PCDH19: variants seen among roughly 807,000 people sequenced by gnomAD.
PCDH19 encodes protocadherin 19.
A neutral mutation model predicts 46.2 loss-of-function variants in PCDH19; 6 were observed. That is an observed-to-expected ratio of 0.13 (90% CI 0.07 to 0.26). The LOEUF (loss-of-function observed/expected upper bound fraction) is 0.26. Among genes scored for constraint, PCDH19 ranks in the 10% least tolerant of loss-of-function variants. PCDH19 has a pLI of 1.00. For missense variants in PCDH19, 740 were observed against 972.3 expected, an observed-to-expected ratio of 0.76 and a Z score of 3.18; for synonymous variants, 481 against 415.7, an observed-to-expected ratio of 1.16 and a Z score of -1.91.
chrX:100,333,112 GGGAAGGAAGGAAGGAAGGAAGGAAGGAA>G (rs778212504), intron 5 of PCDH19, among the ~76,000 whole-genome samples: 3 of 34,916 alleles, frequency 8.6e-5, no homozygotes, highest in African/African-American at 2.9e-4. Flanking sequence ...GAAGGAGGGA[GGGAAGGAAGGAAGGAAGGAAGGAAGGAA>G]GGAAGGAAGG....
At chrX:100,399,565 T>C (rs1928118965) in intron 3 of PCDH19, among the ~76,000 whole-genome samples, 1 of 111,819 alleles carries the variant, frequency 8.9e-6, no homozygotes, top group South Asian at 3.8e-4. Flanking sequence ...TGGACCTAAG[T>C]ATTCCACCGA....
chrX:100,390,250 A>T (rs1927825106), intron 3 of PCDH19, among the ~76,000 whole-genome samples: 1 of 111,653 alleles, frequency 9.0e-6, no homozygotes, highest in Non-Finnish European at 1.9e-5. Context: ...GATATTTTCA[A>T]GCCAAAATAT....
chrX:100,320,946 TCCC>T (rs1925458007), intron 5 of PCDH19, among the ~76,000 whole-genome samples: 1 of 102,315 alleles, frequency 9.8e-6, no homozygotes, highest in African/African-American at 3.6e-5. Context: ...CTTCCACCCA[TCCC>T]CCCAAGTCCC....
chrX:100,305,803 A>G (rs970124277), intron 5 of PCDH19, among the ~76,000 whole-genome samples: 2 of 112,301 alleles, frequency 1.8e-5, no homozygotes, highest in South Asian at 7.3e-4. Context: ...AAGCAACAGC[A>G]GTTTAAAAAG....
intron 3 of PCDH19, among the ~76,000 whole-genome samples, chrX:100,353,599 C>A (rs1273761353): frequency 9.0e-6 from 1 of 111,667 alleles, no homozygotes; most frequent in South Asian, 3.8e-4. Context: ...TGAGAAGAGA[C>A]AAGTCTCGAG....
intron 5 of PCDH19, among the ~76,000 whole-genome samples, chrX:100,333,163 AAG>A (rs1569294632): frequency 0.012 from 467 of 40,424 alleles, 7 homozygotes; most frequent in East Asian, 0.05. Flanking sequence ...GGAAGGAAGG[AAG>A]GAAGGAAGGG....
intron 3 of PCDH19, among the ~76,000 whole-genome samples, chrX:100,356,668 T>C (rs1024591504): frequency 1.4e-4 from 16 of 111,163 alleles, no homozygotes; most frequent in Admixed American, 4.8e-4. Flanking sequence ...AAAGTTCATA[T>C]TTGCCCTGAA....
At chrX:100,363,371 A>C (rs966464943) in intron 3 of PCDH19, among the ~76,000 whole-genome samples, 1 of 107,772 alleles carries the variant, frequency 9.3e-6, no homozygotes, top group Non-Finnish European at 1.9e-5. Context: ...TTTTTTTAGG[A>C]CCAAATGTGC....
At chrX:100,311,798 C>G (rs1246389376) in intron 5 of PCDH19, among the ~76,000 whole-genome samples, 3 of 110,503 alleles carry the variant, frequency 2.7e-5, no homozygotes, top group Admixed American at 9.7e-5. Flanking sequence ...ATGGACTATT[C>G]ATTACCAATA....
intron 3 of PCDH19, among the ~76,000 whole-genome samples, chrX:100,382,110 C>T (rs1927570130): frequency 9.0e-6 from 1 of 110,770 alleles, no homozygotes; most frequent in South Asian, 3.9e-4. Context: ...GACACAACCA[C>T]CTACCTATTA....
chrX:100,359,227 T>A (rs1926803513), intron 3 of PCDH19, among the ~76,000 whole-genome samples: 1 of 111,902 alleles, frequency 8.9e-6, no homozygotes. Flanking sequence ...AACAGTAACA[T>A]CAGGGAAGTG....
intron 5 of PCDH19, among the ~76,000 whole-genome samples, chrX:100,326,827 T>C (rs1925708958): frequency 9.0e-6 from 1 of 111,618 alleles, no homozygotes; most frequent in African/African-American, 3.3e-5. Flanking sequence ...ATTACTTTCT[T>C]TGGACACCAA....
intron 4 of PCDH19, among the ~76,000 whole-genome samples, chrX:100,342,866 T>G (rs1034761090): frequency 8.9e-6 from 1 of 112,102 alleles, no homozygotes; most frequent in Admixed American, 9.5e-5. Flanking sequence ...GAAGGTGTGA[T>G]GTTTAATTTT....
chrX:100,384,186 G>A (rs1026864320), intron 3 of PCDH19, among the ~76,000 whole-genome samples: 2 of 111,514 alleles, frequency 1.8e-5, no homozygotes, highest in Admixed American at 9.6e-5. Context: ...AGAAGAAATC[G>A]CAGATTAAAG....
intron 5 of PCDH19, among the ~76,000 whole-genome samples, chrX:100,322,865 A>ATATATATATATTTTTTTTTTT: frequency 5.3e-4 from 29 of 54,388 alleles, no homozygotes; most frequent in African/African-American, 1.5e-3. Context: ...ATATATATAT[A>ATATATATATATTTTTTTTTTT]TTTTTGCAGC....
intron 3 of PCDH19, among the ~76,000 whole-genome samples, chrX:100,383,783 AAAGAAT>A (rs905287602): frequency 2.7e-5 from 3 of 112,160 alleles, no homozygotes; most frequent in African/African-American, 9.7e-5. Context: ...TTTTAAAGAC[AAAGAAT>A]AAGGAGAAAC....
intron 5 of PCDH19, among the ~76,000 whole-genome samples, chrX:100,341,173 C>T (rs985293348): frequency 7.1e-5 from 8 of 112,087 alleles, no homozygotes; most frequent in African/African-American, 2.3e-4. Flanking sequence ...TAGTGCCTCT[C>T]GATAAAGCAT....
chrX:100,346,576 T>C (rs1328456785), intron 4 of PCDH19, among the ~76,000 whole-genome samples: 1 of 111,931 alleles, frequency 8.9e-6, no homozygotes, highest in Admixed American at 9.5e-5. Context: ...AGTGCTAGTC[T>C]TTAATAGAAA....
At chrX:100,394,553 A>T (rs1927962948) in intron 3 of PCDH19, among the ~76,000 whole-genome samples, 1 of 111,797 alleles carries the variant, frequency 8.9e-6, no homozygotes, top group African/African-American at 3.2e-5. Flanking sequence ...GACAAAAAAA[A>T]ATTCGTGATG....
Sources: gnomAD v4.1 joint callset for allele counts (sites outside exome capture counted in the v4.1 genomes callset) on GRCh38, gnomAD v4.1.1 for gene constraint, MANE v1.5 for transcripts, NCBI Gene and HGNC (gene_info 2026-07-23, HGNC 2026-07-21) for gene names.